Variants in GBE1 observed in about 807,000 individuals in gnomAD.
GBE1 encodes 1,4-alpha-glucan-branching enzyme.
A neutral mutation model predicts 88.8 loss-of-function variants in GBE1; 70 were observed. That is an observed-to-expected ratio of 0.79 (90% CI 0.65 to 0.96). GBE1 has a LOEUF of 0.96. Among genes scored for constraint, GBE1 ranks in the 40% least tolerant of loss-of-function variants. GBE1 has a pLI of 0.00. For missense variants in GBE1, 872 were observed against 871.0 expected (o/e 1.00, Z -0.01); for synonymous variants, 284 against 300.1 (o/e 0.95, Z 0.56).
At chr3:81,655,479 C>A (rs962347432) in intron 3 of GBE1, among the ~76,000 whole-genome samples, 2 of 152,076 alleles carry the variant, frequency 1.3e-5, no homozygotes, top group Non-Finnish European at 2.9e-5. Context: ...TACCAATGAC[C>A]TGAATCCCGA....
intron 1 of GBE1, among the ~76,000 whole-genome samples, chr3:81,746,838 A>G (rs961937996): frequency 1.3e-5 from 2 of 152,178 alleles, no homozygotes; most frequent in African/African-American, 4.8e-5. Context: ...GGTTTGTCAA[A>G]GCTTAAAATG....
intron 9 of GBE1, among the ~76,000 whole-genome samples, chr3:81,589,011 G>A (rs943234235): frequency 6.6e-6 from 1 of 151,674 alleles, no homozygotes; most frequent in Non-Finnish European, 1.5e-5. Flanking sequence ...TGGAAAGTTT[G>A]TGACTGTTCT....
intron 7 of GBE1, among the ~76,000 whole-genome samples, chr3:81,621,629 T>C (rs1057098179): frequency 2.6e-5 from 4 of 152,178 alleles, no homozygotes; most frequent in Admixed American, 2.6e-4. Context: ...GGCTGTCCTG[T>C]CCACACTTAT....
intron 14 of GBE1, among the ~76,000 whole-genome samples, chr3:81,501,525 T>A (rs1702585491): frequency 6.6e-6 from 1 of 152,074 alleles, no homozygotes; most frequent in Non-Finnish European, 1.5e-5. Context: ...TCTGAACCCG[T>A]TCCTAACCAA....
intron 3 of GBE1, among the ~76,000 whole-genome samples, chr3:81,660,716 A>C (rs956964909): frequency 2.0e-5 from 3 of 152,098 alleles, no homozygotes; most frequent in African/African-American, 7.2e-5. Flanking sequence ...AGTGCAAAAA[A>C]AACACACACA....
At chr3:81,641,466 A>C (rs1347278945) in intron 7 of GBE1, among the ~76,000 whole-genome samples, 1 of 152,124 alleles carries the variant, frequency 6.6e-6, no homozygotes. Flanking sequence ...CTGTGGCATA[A>C]TAATAAATGT....
At chr3:81,732,637 A>G (rs1486160681) in intron 1 of GBE1, among the ~76,000 whole-genome samples, 1 of 152,084 alleles carries the variant, frequency 6.6e-6, no homozygotes, top group Non-Finnish European at 1.5e-5. Flanking sequence ...ATTTCTTACC[A>G]TCACTCCTAA....
intron 7 of GBE1, among the ~76,000 whole-genome samples, chr3:81,641,900 C>A (rs1704685511): frequency 6.7e-6 from 1 of 148,820 alleles, no homozygotes; most frequent in Admixed American, 6.7e-5. Context: ...AAAATACATA[C>A]ACATATATAA....
intron 14 of GBE1, among the ~76,000 whole-genome samples, chr3:81,531,537 T>A (rs1313154748): frequency 6.6e-6 from 1 of 151,860 alleles, no homozygotes; most frequent in Non-Finnish European, 1.5e-5. Context: ...CCTCCGTCAT[T>A]AATTAAAGAA....
chr3:81,545,849 T>C (rs1576142494), intron 12 of GBE1, among the ~76,000 whole-genome samples: 1 of 152,172 alleles, frequency 6.6e-6, no homozygotes, highest in East Asian at 1.9e-4. Flanking sequence ...GAATCATCAC[T>C]TTGCCCAGCA....
Position 81,499,116 on chromosome 3 carries a change from A to G in GBE1, c.2046T>C (p.Ser682=). 1 of 1,561,038 alleles carries G rather than the reference A, an allele frequency of 6.4e-7. No individual in the cohort carries two copies. Among genetic ancestry groups the G allele is most frequent in the Non-Finnish European group, 8.8e-7 (1 of 1,135,026 alleles). Residue 682 remains serine, a synonymous_variant, in exon 15 of 16, where the codon TCT becomes TCC. Coordinates refer to ENST00000429644, the MANE Select transcript of GBE1 (RefSeq NM_000158.4). ...TGTTGAGAAACTTACTTACCAAAAGAGAATAGGGACGCCCATTATGTTCAA... is the reference window on the plus strand; with the variant it reads ...TGTTGAGAAACTTACTTACCAAAAGGGAATAGGGACGCCCATTATGTTCAA... ...EAFEHNGRPY[S]LLVYIPSRVA... is the part of the protein sequence containing the mutation.
intron 1 of GBE1, among the ~76,000 whole-genome samples, chr3:81,711,458 CT>C (rs1240080893): frequency 6.6e-6 from 1 of 152,006 alleles, no homozygotes; most frequent in Non-Finnish European, 1.5e-5. Context: ...ATAGGGAATC[CT>C]TTCCCCATTT....
At chr3:81,760,874 A>G (rs1000669661) in intron 1 of GBE1, among the ~76,000 whole-genome samples, 1 of 152,272 alleles carries the variant, frequency 6.6e-6, no homozygotes, top group Non-Finnish European at 1.5e-5. Flanking sequence ...GGAAAAAACA[A>G]AAGGATATAG....
intron 14 of GBE1, among the ~76,000 whole-genome samples, chr3:81,505,164 G>A (rs1702637428): frequency 6.6e-6 from 1 of 152,112 alleles, no homozygotes; most frequent in African/African-American, 2.4e-5. Context: ...GTAGGTTTTT[G>A]GAATATGAAT....
intron 14 of GBE1, among the ~76,000 whole-genome samples, chr3:81,524,071 C>T (rs561794637): frequency 1.3e-4 from 19 of 151,768 alleles, no homozygotes; most frequent in Middle Eastern, 3.2e-3. Flanking sequence ...TGAGTAATCT[C>T]CATACTGTTC....
At position 81,673,677 on chromosome 3, in the gene GBE1, T is replaced by C. The variant is rs73853460; in HGVS notation, c.314-2724A>G. On this transcript the variant is annotated intron_variant, in intron 2 of 15. Coordinates refer to ENST00000429644, the MANE Select transcript of GBE1 (RefSeq NM_000158.4). ...AAATAAGCAAAGTATTAATATTTGA[T>C]AAAGAAAAATACTTTAACTATGTCG... Among the ~76,000 whole-genome samples the C allele has an allele frequency of 5.5e-3, 837 of 152,084 alleles. 2 individuals carry two copies. The highest frequency in any genetic ancestry group is 0.019 in the African/African-American group (801 of 41,566).
intron 3 of GBE1, among the ~76,000 whole-genome samples, chr3:81,657,163 AC>A (rs138501914): frequency 0.016 from 2,448 of 151,678 alleles, 83 homozygotes; most frequent in African/African-American, 0.057. Context: ...ACAAAAAAAA[AC>A]AATAAATTTG....
chr3:81,623,282 A>G (rs1351554727), intron 7 of GBE1, among the ~76,000 whole-genome samples: 1 of 152,092 alleles, frequency 6.6e-6, no homozygotes, highest in Non-Finnish European at 1.5e-5. Flanking sequence ...GGGACTTCAC[A>G]ATTGCTTTTC....
intron 7 of GBE1, among the ~76,000 whole-genome samples, chr3:81,629,339 C>G (rs1704471963): frequency 6.6e-6 from 1 of 151,550 alleles, no homozygotes; most frequent in African/African-American, 2.4e-5. Context: ...TCATCCATGT[C>G]CCTACAAAGG....
Sources: allele counts gnomAD v4.1 joint callset (sites outside exome capture counted in the v4.1 genomes callset), GRCh38; gene constraint gnomAD v4.1.1; transcripts MANE v1.5; gene names NCBI Gene and HGNC (gene_info 2026-07-23, HGNC 2026-07-21).